The following FGF14 variants were observed in gnomAD, a reference collection of about 807,000 sequenced individuals.
The protein encoded by FGF14 is fibroblast growth factor 14, also known as fibroblast growth factor homologous factor 4.
Under a neutral mutation model 25.5 loss-of-function variants are expected in FGF14, and 5 were observed. That is an observed-to-expected ratio of 0.20 (90% CI 0.10 to 0.41). The LOEUF (loss-of-function observed/expected upper bound fraction) is 0.41, where lower values mean the gene tolerates loss of function less well. FGF14 is among the 10% of genes least tolerant of loss of function. FGF14 has a pLI of 1.00. For synonymous variants in FGF14, 138 were observed against 118.3 expected (o/e 1.17, Z -1.08); for missense variants, 222 against 320.1 (o/e 0.69, Z 2.34).
At chr13:102,055,417 T>C (rs931194656) in intron 1 of FGF14, among the ~76,000 whole-genome samples, 3 of 152,252 alleles carry the variant, frequency 2.0e-5, no homozygotes, top group Non-Finnish European at 4.4e-5. Flanking sequence ...ACTTTGTTTG[T>C]TCTCCAAACA....
chr13:102,277,802 T>C (rs2053621015), intron 1 of FGF14, among the ~76,000 whole-genome samples: 1 of 152,226 alleles, frequency 6.6e-6, no homozygotes. Flanking sequence ...ACAAAAGTGC[T>C]CCTGCATTCA....
At chr13:102,049,976 G>A (rs1263981526) in intron 1 of FGF14, among the ~76,000 whole-genome samples, 1 of 151,870 alleles carries the variant, frequency 6.6e-6, no homozygotes, top group Non-Finnish European at 1.5e-5. Context: ...GATTCCAATT[G>A]CTTAATCCAA....
intron 1 of FGF14, among the ~76,000 whole-genome samples, chr13:102,043,474 G>C (rs2041838566): frequency 2.0e-5 from 3 of 152,124 alleles, no homozygotes; most frequent in African/African-American, 4.8e-5. Flanking sequence ...CAAACAATTT[G>C]CTTCTTTTTT....
intron 1 of FGF14, among the ~76,000 whole-genome samples, chr13:102,204,237 C>T (rs1282667047): frequency 1.3e-5 from 2 of 152,180 alleles, no homozygotes; most frequent in African/African-American, 4.8e-5. Context: ...GAGCCTCCAC[C>T]ATATGTGATG....
At chr13:102,212,523 G>A (rs1327344043) in intron 1 of FGF14, among the ~76,000 whole-genome samples, 1 of 152,082 alleles carries the variant, frequency 6.6e-6, no homozygotes, top group Non-Finnish European at 1.5e-5. Context: ...GCCTTTCTCT[G>A]CCTCCATCTT....
At position 101,827,844 on chromosome 13, in the gene FGF14, T is replaced by A. The variant is rs4145281; in HGVS notation, c.408+40881A>T. Among the ~76,000 whole-genome samples the A allele has an allele frequency of 4.0e-4, 61 of 151,604 alleles. 1 individual carries two copies. In the East Asian group the frequency reaches 0.011, roughly 28 times the overall value. The stretch of plus-strand genomic sequence containing the variant: ...AGATCTTTATTACCATAAGACATCT[T>A]CAAGTACTCAGAGTCATTAACCTAA... On this transcript the variant is annotated intron_variant, in intron 3 of 4. Transcript: ENST00000376143.
chr13:102,315,974 G>A (rs1473810088), intron 1 of FGF14, among the ~76,000 whole-genome samples: 2 of 152,140 alleles, frequency 1.3e-5, no homozygotes, highest in Admixed American at 6.5e-5. Context: ...ATGACTACTT[G>A]GGTGCATAAT....
Position 101,905,854 on chromosome 13 carries a change from T to A in FGF14, c.193+10599A>T, listed in dbSNP as rs527378260. On this transcript the variant is annotated intron_variant, in intron 1 of 4. Coordinates refer to ENST00000376143, the MANE Select transcript of FGF14 (RefSeq NM_004115.4). ...GTTAATTCTAAAACTGTACCCCATA[T>A]TTGTCAGACTTGTGTTCAAATACTA... Among the ~76,000 whole-genome samples the A allele has an allele frequency of 2.0e-5, 3 of 152,228 alleles. 1 individual carries two copies. The highest frequency in any genetic ancestry group is 7.2e-5 in the African/African-American group (3 of 41,534).
At chr13:101,928,051 A>T (rs2034491741) in intron 1 of FGF14, among the ~76,000 whole-genome samples, 2 of 152,208 alleles carry the variant, frequency 1.3e-5, no homozygotes, top group Admixed American at 1.3e-4. Flanking sequence ...CTCTAGAAGA[A>T]GCTACTTTTA....
intron 1 of FGF14, among the ~76,000 whole-genome samples, chr13:101,898,086 G>A (rs2030978310): frequency 6.6e-6 from 1 of 151,886 alleles, no homozygotes; most frequent in South Asian, 2.1e-4. Context: ...GTAGAGACAA[G>A]TTTTCATCAT....
chr13:101,945,105 G>C (rs1043304133), intron 1 of FGF14, among the ~76,000 whole-genome samples: 7 of 152,136 alleles, frequency 4.6e-5, no homozygotes, highest in Admixed American at 2.0e-4. Context: ...GATCACCTGA[G>C]GTCAGGTGTT....
intron 1 of FGF14, among the ~76,000 whole-genome samples, chr13:102,401,164 G>C (rs1456312914): frequency 1.3e-5 from 2 of 151,248 alleles, no homozygotes; most frequent in African/African-American, 4.9e-5. Context: ...ACAACCTTAA[G>C]CCATAGCCCT....
At chr13:102,355,832 A>C (rs2057404684) in intron 1 of FGF14, among the ~76,000 whole-genome samples, 1 of 152,160 alleles carries the variant, frequency 6.6e-6, no homozygotes, top group Non-Finnish European at 1.5e-5. Flanking sequence ...TCTAAAAATT[A>C]CAGAAAGTAC....
At position 102,125,065 on chromosome 13, in the gene FGF14, T is replaced by C. The variant is rs527933908; in HGVS notation, c.209-249769A>G. Among the ~76,000 whole-genome samples, 372 of 152,252 alleles carry C rather than the reference T, an allele frequency of 2.4e-3. 1 individual carries two copies. Among genetic ancestry groups the C allele is most frequent in the Non-Finnish European group, 3.6e-3 (243 of 67,972 alleles). On this transcript the variant is annotated intron_variant, in intron 1 of 4. Coordinates refer to the FGF14 transcript ENST00000376131. The stretch of plus-strand genomic sequence containing the variant: ...ATGGTTTCACAACACACTGTTATTG[T>C]TTTTTGTTTATCTCTTTTGAAAAAC...
intron 1 of FGF14, among the ~76,000 whole-genome samples, chr13:102,024,710 C>T (rs986013887): frequency 6.6e-6 from 1 of 151,770 alleles, no homozygotes; most frequent in African/African-American, 2.4e-5. Flanking sequence ...AATATGTACA[C>T]CAATTTTTCT....
intron 1 of FGF14, among the ~76,000 whole-genome samples, chr13:102,162,191 A>C (rs2047808145): frequency 6.6e-6 from 1 of 152,166 alleles, no homozygotes; most frequent in Admixed American, 6.6e-5. Flanking sequence ...ATGCTCTCTC[A>C]ATGGCAACTG....
chr13:102,341,054 G>A (rs2056935440), intron 1 of FGF14, among the ~76,000 whole-genome samples: 1 of 152,110 alleles, frequency 6.6e-6, no homozygotes, highest in South Asian at 2.1e-4. Context: ...GAAGCTTCAA[G>A]GAGGAGGTGC....
At chr13:101,999,877 G>A (rs1394188981) in intron 1 of FGF14, among the ~76,000 whole-genome samples, 1 of 152,062 alleles carries the variant, frequency 6.6e-6, no homozygotes, top group Non-Finnish European at 1.5e-5. Flanking sequence ...TGCCACTAAG[G>A]ATCCACTCAA....
At chr13:102,187,628 G>A (rs967424288) in intron 1 of FGF14, among the ~76,000 whole-genome samples, 3 of 152,146 alleles carry the variant, frequency 2.0e-5, no homozygotes, top group Non-Finnish European at 2.9e-5. Context: ...TTCGTGCCCT[G>A]TCCTTGCTGT....
Sources: gnomAD v4.1 joint callset for allele counts (sites outside exome capture counted in the v4.1 genomes callset) on GRCh38, gnomAD v4.1.1 for gene constraint, MANE v1.5 for transcripts, NCBI Gene and HGNC (gene_info 2026-07-23, HGNC 2026-07-21) for gene names.